The following DAP variants were observed in gnomAD, a reference collection of about 807,000 sequenced individuals.
DAP encodes the protein death-associated protein 1.
Under a neutral mutation model 13.8 loss-of-function variants are expected in DAP, and 8 were observed. The ratio of observed to expected loss-of-function variants is 0.58; its 90% CI spans 0.34 to 1.05. The LOEUF (loss-of-function observed/expected upper bound fraction) is 1.05, where lower values mean the gene tolerates loss of function less well. DAP is among the 50% of genes least tolerant of loss of function. The pLI is 0.03. For missense variants in DAP, 106 were observed against 133.2 expected, an observed-to-expected ratio of 0.80 and a Z score of 1.01; for synonymous variants, 47 against 47.5, an observed-to-expected ratio of 0.99 and a Z score of 0.04.
rs1268915034 is a variant in DAP, at chr5:10,679,418, A to C, written c.*1638T>G. The C allele has an allele frequency of 6.6e-6, 1 of 152,380 alleles. No individual in the cohort carries two copies. Among genetic ancestry groups the C allele is most frequent in the East Asian group, 1.9e-4 (1 of 5,334 alleles). The allele number at this position is 152,380 out of a possible 1,614,324, so 9.4% of individuals were successfully genotyped here. ...GCCCTCCCTCTGGCTGAAGACTGAG[A>C]AGCATTAAGGATGCTTCTGGATTTC... On this transcript the variant is annotated 3_prime_UTR_variant, in exon 4 of 4. Coordinates refer to ENST00000230895, the MANE Select transcript of DAP (RefSeq NM_004394.3).
rs183418935 is a variant in DAP, at chr5:10,719,266, G to A, written c.152+28909C>T. Among the ~76,000 whole-genome samples the A allele has an allele frequency of 3.1e-3, 472 of 152,342 alleles. 1 individual carries two copies. Among genetic ancestry groups the A allele is most frequent in the African/African-American group, 0.01 (428 of 41,582 alleles). ...GGTCCATTTATCAAGTGACCCGAAAGGCTGTCAGCTTTGAGTGGGGTCCAG... is the reference window on the plus strand; with the variant it reads ...GGTCCATTTATCAAGTGACCCGAAAAGCTGTCAGCTTTGAGTGGGGTCCAG... On this transcript the variant is annotated intron_variant, in intron 2 of 3. Transcript: ENST00000230895.
At chr5:10,759,744 C>CTTTT (rs1169454640) in intron 1 of DAP, among the ~76,000 whole-genome samples, 1,366 of 88,134 alleles carry the variant, frequency 0.015, 23 homozygotes, top group Non-Finnish European at 0.021. Context: ...TAATGGGAAT[C>CTTTT]TTTTTTTTTT....
At chr5:10,681,219 T>TCCTCACCCACAAACCCCA in intron 3 of DAP, 50 bp from the exon 4 acceptor site, 1 of 1,418,810 alleles carries the variant, frequency 7.0e-7, no homozygotes, top group Non-Finnish European at 9.3e-7. Flanking sequence ...AGCATGGGGT[T>TCCTCACCCACAAACCCCA]TGTGGGTGAG....
rs1423845459 is a variant in DAP, at chr5:10,679,607, TA to T, written c.*1448del. 6.6e-6 allele frequency: 1 copy of T among 152,402 alleles called. No individual in the cohort carries two copies. Among genetic ancestry groups the T allele is most frequent in the Non-Finnish European group, 1.5e-5 (1 of 68,070 alleles). 9.4% of individuals were successfully genotyped at this position (152,402 alleles called of 1,614,324 possible). The stretch of plus-strand genomic sequence containing the variant: ...GGGTCTCTAAAAGCCACCCTCAGTT[TA>T]TACCAACTGATCAGGAAATAGGTGG... On this transcript the variant is annotated 3_prime_UTR_variant, in exon 4 of 4. Transcript: ENST00000230895.
chr5:10,722,330 ATCTTTC>A (rs1739162303), intron 2 of DAP, among the ~76,000 whole-genome samples: 1 of 152,082 alleles, frequency 6.6e-6, no homozygotes, highest in Admixed American at 6.6e-5. Flanking sequence ...CCCAGCCTAC[ATCTTTC>A]TCCCATGCTG....
intron 2 of DAP, among the ~76,000 whole-genome samples, chr5:10,732,581 T>C (rs1739494134): frequency 1.3e-5 from 2 of 152,230 alleles, no homozygotes; most frequent in Admixed American, 6.5e-5. Flanking sequence ...CTGATGAGCA[T>C]TTGGGCTGTT....
At chr5:10,690,090 G>A (rs1259013216) in intron 2 of DAP, among the ~76,000 whole-genome samples, 10 of 147,488 alleles carry the variant, frequency 6.8e-5, no homozygotes, top group Non-Finnish European at 1.3e-4. Context: ...TTCCGCAGGC[G>A]AGGTCCTTGC....
At chr5:10,685,170 C>T (rs151045534) in intron 2 of DAP, among the ~76,000 whole-genome samples, 50 of 55,674 alleles carry the variant, frequency 9.0e-4, no homozygotes, top group African/African-American at 6.4e-3. Context: ...TCTGTTACTT[C>T]GCGACATTAA....
At chr5:10,722,058 TA>T (rs1159812869) in intron 2 of DAP, among the ~76,000 whole-genome samples, 1 of 152,236 alleles carries the variant, frequency 6.6e-6, no homozygotes, top group Non-Finnish European at 1.5e-5. Flanking sequence ...GAAGATTATG[TA>T]TGATCTCAGG....
At chr5:10,749,098 C>T (rs934482487) in intron 1 of DAP, among the ~76,000 whole-genome samples, 2 of 152,206 alleles carry the variant, frequency 1.3e-5, no homozygotes, top group African/African-American at 4.8e-5. Context: ...GCTCCTTGCA[C>T]TTAGCGTGTT....
intron 2 of DAP, among the ~76,000 whole-genome samples, chr5:10,690,535 T>C (rs1018292735): frequency 3.3e-5 from 5 of 152,218 alleles, no homozygotes; most frequent in Non-Finnish European, 7.3e-5. Flanking sequence ...AGGGATCTCA[T>C]GTAAGTGGAA....
chr5:10,716,181 G>A lies in DAP; in HGVS notation c.152+31994C>T, dbSNP rs548909771. ...GGGGACACAGACATTGAGCTCCATC[G>A]GTGAAGAAACAGCGGGCAGAATGAA... On this transcript the variant is annotated intron_variant, in intron 2 of 3. Transcript: ENST00000230895. Among the ~76,000 whole-genome samples the A allele has an allele frequency of 3.9e-5, 6 of 152,272 alleles. No individual in the cohort carries two copies. The South Asian group carries it at 8.3e-4, about 21-fold the overall frequency.
chr5:10,707,257 A>G lies in DAP; in HGVS notation c.153-23686T>C, dbSNP rs973107282. Among the ~76,000 whole-genome samples the G allele has an allele frequency of 1.3e-5, 2 of 152,238 alleles. No individual in the cohort carries two copies. The highest frequency in any genetic ancestry group is 4.8e-5 in the African/African-American group (2 of 41,454). On this transcript the variant is annotated intron_variant, in intron 2 of 3. Coordinates refer to ENST00000230895, the MANE Select transcript of DAP (RefSeq NM_004394.3). This position sits in a 1 kb window ranked among gnomAD's most constrained non-coding sequence, Gnocchi z 4.0. Reference sequence around the variant, plus strand: ...TGGAGGGCCAGTGAGATTTCAGCTGATATCTGAAAGGTGTAGCTTAGTCAG... The same window carrying G: ...TGGAGGGCCAGTGAGATTTCAGCTGGTATCTGAAAGGTGTAGCTTAGTCAG...
At chr5:10,690,309 G>GCAA (rs1293875343) in intron 2 of DAP, among the ~76,000 whole-genome samples, 3 of 152,132 alleles carry the variant, frequency 2.0e-5, no homozygotes, top group African/African-American at 4.8e-5. Flanking sequence ...AGCCAGCTCA[G>GCAA]CAACTAATTA....
intron 2 of DAP, among the ~76,000 whole-genome samples, chr5:10,713,172 G>A (rs954067948): frequency 2.6e-5 from 4 of 152,040 alleles, no homozygotes; most frequent in East Asian, 3.9e-4. Context: ...CTCCATAATC[G>A]ATTCCTAGGA....
intron 2 of DAP, among the ~76,000 whole-genome samples, chr5:10,734,890 G>T (rs895623901): frequency 6.6e-6 from 1 of 152,112 alleles, no homozygotes; most frequent in African/African-American, 2.4e-5. Flanking sequence ...AATGAATTAA[G>T]CTTTGCCACT....
Position 10,680,949 on chromosome 5 carries a change from G to C in DAP, c.*107C>G, listed in dbSNP as rs1219317029. On this transcript the variant is annotated 3_prime_UTR_variant, in exon 4 of 4. Coordinates refer to ENST00000230895, the MANE Select transcript of DAP (RefSeq NM_004394.3). ...GGACAGAGCACTTGGTTTTGCCTTA[G>C]ATTTCCCAGCAGAGTAGGATTTGGG... The C allele has an allele frequency of 7.8e-6, 12 of 1,541,472 alleles. No individual in the cohort carries two copies. The highest frequency in any genetic ancestry group is 1.0e-5 in the Non-Finnish European group (12 of 1,146,994).
chr5:10,699,911 A>C (rs1026752044), intron 2 of DAP, among the ~76,000 whole-genome samples: 1 of 152,258 alleles, frequency 6.6e-6, no homozygotes, highest in East Asian at 1.9e-4. Context: ...TACCACCAGC[A>C]AATCTCACCA....
chr5:10,731,307 T>C (rs1020629116), intron 2 of DAP, among the ~76,000 whole-genome samples: 1 of 152,078 alleles, frequency 6.6e-6, no homozygotes, highest in Non-Finnish European at 1.5e-5. Flanking sequence ...GGGAGAATCT[T>C]TCTCTACTGA....
Sources: allele counts gnomAD v4.1 joint callset (sites outside exome capture counted in the v4.1 genomes callset), GRCh38; gene constraint gnomAD v4.1.1; non-coding constraint Gnocchi (gnomAD v3.1); transcripts MANE v1.5; gene names NCBI Gene and HGNC (gene_info 2026-07-23, HGNC 2026-07-21).